The following BNC2 variants were observed in gnomAD, a reference collection of about 807,000 sequenced individuals.
The protein encoded by BNC2 is basonuclin zinc finger protein 2, also known as zinc finger protein basonuclin-2.
In BNC2, 20 loss-of-function variants were observed where a neutral mutation model predicts 76.3. That is an observed-to-expected ratio of 0.26 (90% CI 0.18 to 0.38). The LOEUF is 0.38. BNC2 is among the 10% of genes least tolerant of loss of function. The probability of loss-of-function intolerance (pLI) is 1.00; values close to 1 mark genes in which losing one functional copy is unlikely to be tolerated. For missense variants in BNC2, 1,382 were observed against 1,399.8 expected (o/e 0.99, Z 0.20); for synonymous variants, 582 against 514.8 (o/e 1.13, Z -1.77).
chr9:16,643,468 C>T (rs1271949038), intron 3 of BNC2, among the ~76,000 whole-genome samples: 2 of 152,046 alleles, frequency 1.3e-5, no homozygotes, highest in African/African-American at 4.8e-5. Context: ...TGGTTTTCAA[C>T]CTTGGCTATA....
chr9:16,529,809 G>GAA (rs1817921069), intron 5 of BNC2, among the ~76,000 whole-genome samples: 1 of 151,942 alleles, frequency 6.6e-6, no homozygotes, highest in Non-Finnish European at 1.5e-5. Flanking sequence ...TCCCCAAACC[G>GAA]AAATCTATGA....
At chr9:16,702,902 A>C (rs1823556852) in intron 3 of BNC2, among the ~76,000 whole-genome samples, 1 of 152,254 alleles carries the variant, frequency 6.6e-6, no homozygotes, top group Non-Finnish European at 1.5e-5. Context: ...GCAGCATTAG[A>C]ATCTGAAACA....
chr9:16,589,176 T>TA (rs895144504), intron 3 of BNC2, among the ~76,000 whole-genome samples: 22 of 149,578 alleles, frequency 1.5e-4, no homozygotes, highest in African/African-American at 2.7e-4. Flanking sequence ...CATACATAAC[T>TA]AAAAAAAAAA....
intron 1 of BNC2, among the ~76,000 whole-genome samples, chr9:16,777,281 T>C (rs1204300587): frequency 6.6e-6 from 1 of 151,986 alleles, no homozygotes; most frequent in Non-Finnish European, 1.5e-5. Context: ...TAGTACCAGA[T>C]GAAGAGCAAA....
chr9:16,665,490 G>GAA lies in BNC2; in HGVS notation c.330+62306_330+62307insTT, dbSNP rs755965243. Reference sequence around the variant, plus strand: ...AGAAAGAAAGAAAGAAAGAAAGAAAGAGAGAGAGAGAAATCACAGCAAATT... The same window carrying GAA: ...AGAAAGAAAGAAAGAAAGAAAGAAAGAAAGAGAGAGAGAAATCACAGCAAATT... On this transcript the variant is annotated intron_variant, in intron 3 of 6. Coordinates refer to ENST00000380672, the MANE Select transcript of BNC2 (RefSeq NM_017637.6). Among the ~76,000 whole-genome samples the GAA allele has an allele frequency of 6.6e-3, 910 of 137,760 alleles. 8 individuals carry two copies. The highest frequency in any genetic ancestry group is 0.025 in the East Asian group (97 of 3,958). The allele number at this position is 137,760 out of a possible 152,430, so 90.4% of individuals were successfully genotyped here.
At chr9:16,782,035 TC>T (rs1361520921) in intron 1 of BNC2, among the ~76,000 whole-genome samples, 1 of 152,010 alleles carries the variant, frequency 6.6e-6, no homozygotes, top group Non-Finnish European at 1.5e-5. Flanking sequence ...GCCTGTAATC[TC>T]AACACTTTGG....
intron 5 of BNC2, chr9:16,473,442 G>C (rs1821865195): frequency 6.6e-6 from 1 of 152,182 alleles, no homozygotes; most frequent in Non-Finnish European, 1.5e-5. Context: ...AAAAGGCTAA[G>C]AGGAAGTATA....
chr9:16,869,279 G>C (rs1819617709), intron 1 of BNC2, among the ~76,000 whole-genome samples: 1 of 152,154 alleles, frequency 6.6e-6, no homozygotes, highest in African/African-American at 2.4e-5. Context: ...ATTATTTTAT[G>C]ATGTCTTTTG....
At position 16,699,343 on chromosome 9, in the gene BNC2, C is replaced by T. The variant is rs1823440402; in HGVS notation, c.330+28454G>A. Reference sequence around the variant, plus strand: ...ATGTATTAATTCAATCAGTGCCTTGCTTCTGGGTTACCATAAAAAGGTTCA... The same window carrying T: ...ATGTATTAATTCAATCAGTGCCTTGTTTCTGGGTTACCATAAAAAGGTTCA... On this transcript the variant is annotated intron_variant, in intron 3 of 6. Coordinates refer to ENST00000380672, the MANE Select transcript of BNC2 (RefSeq NM_017637.6). 9.3e-6 allele frequency: 3 copies of T among 321,138 alleles called. 1 individual carries two copies. Among genetic ancestry groups the T allele is most frequent in the South Asian group, 8.0e-5 (3 of 37,718 alleles). The allele number at this position is 321,138 out of a possible 1,614,324, so 19.9% of individuals were successfully genotyped here.
chr9:16,423,672 G>A (rs1820750803), intron 6 of BNC2, among the ~76,000 whole-genome samples: 1 of 152,136 alleles, frequency 6.6e-6, no homozygotes, highest in Non-Finnish European at 1.5e-5. Context: ...TCCCAAGGTA[G>A]GACTCATGTA....
intron 4 of BNC2, among the ~76,000 whole-genome samples, chr9:16,553,534 A>C (rs1050378926): frequency 1.3e-5 from 2 of 152,264 alleles, no homozygotes; most frequent in Non-Finnish European, 2.9e-5. Context: ...TAATAGCTCT[A>C]AGGGTACAGA....
chr9:16,846,589 CTCT>C (rs1440347504), intron 1 of BNC2, among the ~76,000 whole-genome samples: 1 of 152,204 alleles, frequency 6.6e-6, no homozygotes, highest in Non-Finnish European at 1.5e-5. Context: ...GGTAGGGTTT[CTCT>C]TTCAGCAGGC....
chr9:16,842,104 C>G (rs1368052440), intron 1 of BNC2, among the ~76,000 whole-genome samples: 1 of 152,172 alleles, frequency 6.6e-6, no homozygotes, highest in East Asian at 1.9e-4. Context: ...GCCACACACC[C>G]GGCCTGCAAG....
intron 1 of BNC2, among the ~76,000 whole-genome samples, chr9:16,751,692 G>A (rs1563927015): frequency 2.3e-4 from 24 of 102,676 alleles, no homozygotes; most frequent in East Asian, 6.2e-3. Flanking sequence ...ATGTATGTGT[G>A]TATATATATA....
At chr9:16,835,899 G>C (rs922213755) in intron 1 of BNC2, among the ~76,000 whole-genome samples, 1 of 152,102 alleles carries the variant, frequency 6.6e-6, no homozygotes, top group Non-Finnish European at 1.5e-5. Context: ...TTTGAGACTT[G>C]CTCTAATAGG....
At chr9:16,743,309 C>CA (rs1037701912) in intron 1 of BNC2, among the ~76,000 whole-genome samples, 1 of 150,476 alleles carries the variant, frequency 6.6e-6, no homozygotes, top group African/African-American at 2.4e-5. Flanking sequence ...AGACTTTTTA[C>CA]TTTTTTTTTT....
At chr9:16,588,909 C>A (rs1307650042) in intron 3 of BNC2, among the ~76,000 whole-genome samples, 2 of 152,146 alleles carry the variant, frequency 1.3e-5, no homozygotes, top group African/African-American at 4.8e-5. Flanking sequence ...GAACTACACA[C>A]AAGGCTAACT....
intron 3 of BNC2, among the ~76,000 whole-genome samples, chr9:16,684,409 T>G (rs1032705404): frequency 6.6e-6 from 1 of 152,022 alleles, no homozygotes; most frequent in Non-Finnish European, 1.5e-5. Context: ...AGTACCAGTT[T>G]GGGGCACAGC....
chr9:16,461,004 T>C (rs955481900), intron 5 of BNC2, among the ~76,000 whole-genome samples: 1 of 151,904 alleles, frequency 6.6e-6, no homozygotes, highest in Non-Finnish European at 1.5e-5. Context: ...CAAGATAGTA[T>C]ACAGTAAGTA....
Sources: allele counts gnomAD v4.1 joint callset (sites outside exome capture counted in the v4.1 genomes callset), GRCh38; gene constraint gnomAD v4.1.1; transcripts MANE v1.5; gene names NCBI Gene and HGNC (gene_info 2026-07-23, HGNC 2026-07-21).